CCDC85C: variants seen among roughly 807,000 people sequenced by gnomAD.
The protein encoded by CCDC85C is coiled-coil domain-containing protein 85C.
A neutral mutation model predicts 38.3 loss-of-function variants in CCDC85C; 18 were observed. The ratio of observed to expected loss-of-function variants is 0.47; its 90% confidence interval spans 0.33 to 0.70. CCDC85C has a LOEUF of 0.70. CCDC85C is among the 30% of genes least tolerant of loss of function. The pLI is 0.03. For synonymous variants in CCDC85C, 264 were observed against 293.8 expected (o/e 0.90, Z 1.04); for missense variants, 566 against 621.2 (o/e 0.91, Z 0.94).
Position 99,596,620 on chromosome 14 carries a change from G to A in CCDC85C, c.793+6547C>T, listed in dbSNP as rs1037913724. ...CTGCCTGTGAGGACAGGGGATGTATGAGTGTCCAATCCTGGGTGCTTGCCT... is the reference window on the plus strand; with the variant it reads ...CTGCCTGTGAGGACAGGGGATGTATAAGTGTCCAATCCTGGGTGCTTGCCT... On this transcript the variant is annotated intron_variant, in intron 1 of 5. Coordinates refer to ENST00000380243, the MANE Select transcript of CCDC85C (RefSeq NM_001144995.2). Among the ~76,000 whole-genome samples, 43 of 152,246 alleles carry A rather than the reference G, an allele frequency of 2.8e-4. 1 individual carries two copies. Among genetic ancestry groups the A allele is most frequent in the Admixed American group, 2.4e-3 (37 of 15,288 alleles).
At chr14:99,518,610 G>A (rs1897260485) in intron 3 of CCDC85C, among the ~76,000 whole-genome samples, 3 of 152,288 alleles carry the variant, frequency 2.0e-5, no homozygotes, top group East Asian at 1.9e-4. Context: ...GGCGCCAGTC[G>A]CACACATACG....
At chr14:99,534,660 A>G in intron 2 of CCDC85C, 2 of 702,322 alleles carry the variant, frequency 2.8e-6, no homozygotes, top group Non-Finnish European at 5.2e-6. Flanking sequence ...ACTTCTGCCT[A>G]CAGCTTCCAC....
Position 99,604,019 on chromosome 14 carries a change from G to C in CCDC85C, c.-60C>G. ...CGCCCGGCCGGCGCTTCCCCGCGCCGGGGCTCCGCTGGGCCGGTCCGCGCG... is the reference window on the plus strand; with the variant it reads ...CGCCCGGCCGGCGCTTCCCCGCGCCCGGGCTCCGCTGGGCCGGTCCGCGCG... On this transcript the variant is annotated 5_prime_UTR_variant, in exon 1 of 6. Transcript: ENST00000380243. 1 of 1,118,496 alleles carries C rather than the reference G, an allele frequency of 8.9e-7. No homozygotes were observed. The highest frequency in any genetic ancestry group is 1.1e-6 in the Non-Finnish European group (1 of 917,410). The allele number at this position is 1,118,496 out of a possible 1,614,324, so 69.3% of individuals were successfully genotyped here.
At position 99,548,764 on chromosome 14, in the gene CCDC85C, C is replaced by T. The variant is rs1011501316; in HGVS notation, c.794-12676G>A. Among the ~76,000 whole-genome samples, 1 of 151,904 alleles carries T rather than the reference C, an allele frequency of 6.6e-6. No individual in the cohort carries two copies. The highest frequency in any genetic ancestry group is 2.4e-5 in the African/African-American group (1 of 41,304). On this transcript the variant is annotated intron_variant, in intron 1 of 5. Transcript: ENST00000380243. The surrounding 1 kb of genome is among the most constrained non-coding windows in gnomAD (Gnocchi z 4.9). ...GGAGCTCAGGAGTGTGAGTCCAGCC[C>T]GGGCAATCTAAAAAAAGACCACCTC...
At chr14:99,556,711 T>G (rs1595083884) in intron 1 of CCDC85C, among the ~76,000 whole-genome samples, 1 of 152,076 alleles carries the variant, frequency 6.6e-6, no homozygotes, top group African/African-American at 2.4e-5. Flanking sequence ...TTTTACTTTT[T>G]TGTAAAAGTC....
intron 1 of CCDC85C, among the ~76,000 whole-genome samples, chr14:99,590,982 G>A (rs929561763): frequency 4.6e-5 from 7 of 152,196 alleles, no homozygotes; most frequent in South Asian, 4.1e-4. Flanking sequence ...TGGACACGGC[G>A]GCTCATTTAA....
At chr14:99,524,567 C>A (rs201998464) in intron 2 of CCDC85C, among the ~76,000 whole-genome samples, 2 of 152,198 alleles carry the variant, frequency 1.3e-5, no homozygotes, top group Admixed American at 1.3e-4. Context: ...ACTTTATTAG[C>A]AAGCCACAAA....
chr14:99,591,021 G>A (rs568469274), intron 1 of CCDC85C, among the ~76,000 whole-genome samples: 3 of 152,324 alleles, frequency 2.0e-5, no homozygotes, highest in East Asian at 1.9e-4. Context: ...TGCCACAGCC[G>A]CTGCCAAGGG....
In CCDC85C at chr14:99,500,366, G is replaced by A; in HGVS notation, c.*14880C>T. 1 of 202,506 alleles carries A rather than the reference G, an allele frequency of 4.9e-6. No homozygotes were observed. The highest frequency in any genetic ancestry group is 7.9e-5 in the South Asian group (1 of 12,718). The allele number at this position is 202,506 out of a possible 1,614,324, so 12.5% of individuals were successfully genotyped here. On this transcript the variant is annotated 3_prime_UTR_variant, in exon 6 of 6. Coordinates refer to ENST00000380243, the MANE Select transcript of CCDC85C (RefSeq NM_001144995.2). Reference sequence around the variant, plus strand: ...GGCTGGCTATCATAAACTCTTTCTTGCTTAAAATGTTTTCAATGAAAATTC... The same window carrying A: ...GGCTGGCTATCATAAACTCTTTCTTACTTAAAATGTTTTCAATGAAAATTC...
rs1420674430 is a variant in CCDC85C, at chr14:99,506,969, CTG to C, written c.*8275_*8276del. ...AGTTCCCTTAAAGCCTTGGTCATCT[CTG>C]TTGTTTTTCTCCCAAAGAAATCTCT... On this transcript the variant is annotated 3_prime_UTR_variant, in exon 6 of 6. Coordinates refer to ENST00000380243, the MANE Select transcript of CCDC85C (RefSeq NM_001144995.2). The C allele has an allele frequency of 6.3e-6, 5 of 788,280 alleles. No individual in the cohort carries two copies. The highest frequency in any genetic ancestry group is 4.1e-5 in the South Asian group (3 of 73,838). The allele number at this position is 788,280 out of a possible 1,614,324, so 48.8% of individuals were successfully genotyped here.
intron 1 of CCDC85C, among the ~76,000 whole-genome samples, chr14:99,602,007 G>C (rs904290505): frequency 1.3e-5 from 2 of 152,112 alleles, no homozygotes; most frequent in Admixed American, 6.5e-5. Context: ...AGGGGTTCTG[G>C]GGAGGGCAGT....
chr14:99,505,067 C>G lies in CCDC85C; in HGVS notation c.*10179G>C, dbSNP rs1248739334. ...ATAGGATCTAAAATGTGGGTTAGGA[C>G]CAGATCACAGAGTTTACCTGGAGGA... On this transcript the variant is annotated 3_prime_UTR_variant, in exon 6 of 6. Transcript: ENST00000380243. The G allele has an allele frequency of 1.3e-5, 2 of 152,220 alleles. No individual in the cohort carries two copies. The highest frequency in any genetic ancestry group is 1.5e-5 in the Non-Finnish European group (1 of 68,062). 9.4% of individuals were successfully genotyped at this position (152,220 alleles called of 1,614,324 possible). A position where few individuals can be genotyped will look rare whatever the true frequency, so the allele number is the denominator to read the frequency against.
Position 99,546,060 on chromosome 14 carries a change from G to C in CCDC85C, c.794-9972C>G, listed in dbSNP as rs181769252. Among the ~76,000 whole-genome samples, 82 of 151,996 alleles carry C rather than the reference G, an allele frequency of 5.4e-4. No homozygotes were observed. The East Asian group carries it at 7.2e-3, about 13-fold the overall frequency. On this transcript the variant is annotated intron_variant, in intron 1 of 5. Coordinates refer to ENST00000380243, the MANE Select transcript of CCDC85C (RefSeq NM_001144995.2). The stretch of plus-strand genomic sequence containing the variant: ...TCGCGCAGGACTGAAGTCTGCATGG[G>C]GGGGGGGAATAAACAACCCTTACCG...
chr14:99,564,701 G>A (rs1465286711), intron 1 of CCDC85C, among the ~76,000 whole-genome samples: 1 of 152,244 alleles, frequency 6.6e-6, no homozygotes, highest in African/African-American at 2.4e-5. Flanking sequence ...GGCTGAGACA[G>A]TACTGGCTGC....
intron 1 of CCDC85C, chr14:99,583,177 T>TA (rs778077541): frequency 1.3e-5 from 2 of 152,226 alleles, no homozygotes; most frequent in Non-Finnish European, 2.9e-5. Flanking sequence ...TTTTAAAAGA[T>TA]AAAACTGCTC....
chr14:99,603,311 GGCTGCCGCC>G lies in CCDC85C; in HGVS notation c.640_648del (p.Gly214_Ser216del). On this transcript the variant is annotated inframe_deletion, in exon 1 of 6. Transcript: ENST00000380243. The surrounding 1 kb of genome is among the most constrained non-coding windows in gnomAD (Gnocchi z 7.5). Reference sequence around the variant, plus strand: ...GGTGGGACGTGGTGGTGGTGGTCGGGGCTGCCGCCGCTGCCCGCGCTGGACGTACTGCTG... The same window carrying G: ...GGTGGGACGTGGTGGTGGTGGTCGGGGCTGCCCGCGCTGGACGTACTGCTG... The G allele has an allele frequency of 7.4e-7, 1 of 1,354,956 alleles. No individual in the cohort carries two copies. The highest frequency in any genetic ancestry group is 9.5e-7 in the Non-Finnish European group (1 of 1,057,990). 83.9% of individuals were successfully genotyped at this position (1,354,956 alleles called of 1,614,324 possible).
At chr14:99,519,164 G>T (rs558583080) in intron 3 of CCDC85C, among the ~76,000 whole-genome samples, 1 of 115,638 alleles carries the variant, frequency 8.6e-6, no homozygotes, top group Admixed American at 1.3e-4. Context: ...CGCCCAGGCT[G>T]AAGTACAGTG....
At position 99,500,429 on chromosome 14, in the gene CCDC85C, G is replaced by T. The variant is rs1896795746; in HGVS notation, c.*14817C>A. The T allele has an allele frequency of 5.2e-6, 1 of 193,890 alleles. No individual in the cohort carries two copies. The highest frequency in any genetic ancestry group is 1.1e-5 in the Non-Finnish European group (1 of 95,186). 12.0% of individuals were successfully genotyped at this position (193,890 alleles called of 1,614,324 possible). A position where few individuals can be genotyped will look rare whatever the true frequency, so the allele number is the denominator to read the frequency against. ...ATTTTTAAAATTTGAGGTCTTGAAAGAAATTACAATTTAGTCAAATTATCA... is the reference window on the plus strand; with the variant it reads ...ATTTTTAAAATTTGAGGTCTTGAAATAAATTACAATTTAGTCAAATTATCA... On this transcript the variant is annotated 3_prime_UTR_variant, in exon 6 of 6. Transcript: ENST00000380243.
chr14:99,603,259 T>A lies in CCDC85C; in HGVS notation c.701A>T (p.Lys234Met). The change falls in exon 1 of 6, where the codon AAG becomes ATG. Residue 234 changes from lysine (K) to methionine (M), a missense_variant. By Grantham distance (95) the Lys-to-Met change is moderately conservative. This residue lies in a region of CCDC85C where 286 missense variants were observed against 276.4 expected (regional missense o/e 1.03). Transcript: ENST00000380243. The surrounding 1 kb of genome is among the most constrained non-coding windows in gnomAD (Gnocchi z 7.5). ...PPPLLPPGPH[K>M]APDGKAGATR... ...GGCTCCTGCCTTGCCGTCGGGGGCC[T>A]TGTGCGGCCCGGGGGGCAGCAGCGG... 7.2e-7 allele frequency: 1 copy of A among 1,390,358 alleles called. No homozygotes were observed. Among genetic ancestry groups the A allele is most frequent in the Non-Finnish European group, 9.3e-7 (1 of 1,078,746 alleles). The allele number at this position is 1,390,358 out of a possible 1,614,324, so 86.1% of individuals were successfully genotyped here. A position where few individuals can be genotyped will look rare whatever the true frequency, so the allele number is the denominator to read the frequency against.
Sources: gnomAD v4.1 joint callset for allele counts (sites outside exome capture counted in the v4.1 genomes callset) on GRCh38, gnomAD v4.1.1 for gene constraint, gnomAD v4.1.1 regional missense constraint, Gnocchi (gnomAD v3.1) non-coding constraint, MANE v1.5 for transcripts, NCBI Gene and HGNC (gene_info 2026-07-23, HGNC 2026-07-21) for gene names.